FAXC: variants seen among roughly 807,000 people sequenced by gnomAD.
FAXC encodes the protein failed axon connections homolog, metaxin like GST domain containing, also known as failed axon connections homolog.
Under a neutral mutation model 41.9 loss-of-function variants are expected in FAXC, and 10 were observed. The ratio of observed to expected loss-of-function variants is 0.24; its 90% CI spans 0.15 to 0.41. The LOEUF is 0.41. FAXC is among the 10% of genes least tolerant of loss of function. The pLI is 1.00. For missense variants in FAXC, 399 were observed against 510.9 expected (o/e 0.78, Z 2.11); for synonymous variants, 183 against 183.8 (o/e 1.00, Z 0.03).
rs1196480708 is a variant in FAXC, at chr6:99,273,389, A to C, written c.*7775T>G. On this transcript the variant is annotated 3_prime_UTR_variant, in exon 6 of 6. Coordinates refer to ENST00000389677, the MANE Select transcript of FAXC (RefSeq NM_032511.4). ...ATGATGAATTATCAGGCATTATCAA[A>C]ACATGTTTTTCAGATTGATGCTGAA... 2.0e-5 allele frequency: 3 copies of C among 151,904 alleles called. No homozygotes were observed. The East Asian group carries it at 5.8e-4, about 29-fold the overall frequency. 9.4% of individuals were successfully genotyped at this position (151,904 alleles called of 1,614,324 possible). A position where few individuals can be genotyped will look rare whatever the true frequency, so the allele number is the denominator to read the frequency against.
intron 4 of FAXC, among the ~76,000 whole-genome samples, chr6:99,299,060 TG>T (rs2128452496): frequency 6.6e-6 from 1 of 152,238 alleles, no homozygotes; most frequent in South Asian, 2.1e-4. Context: ...TTCTTTCCTC[TG>T]GAATTCACAA....
At chr6:99,314,635 C>T (rs1020117024) in intron 4 of FAXC, among the ~76,000 whole-genome samples, 1 of 152,186 alleles carries the variant, frequency 6.6e-6, no homozygotes, top group Non-Finnish European at 1.5e-5. Context: ...CATGTCCCAA[C>T]TTTCAACCTC....
At chr6:99,342,821 A>G in intron 2 of FAXC, 77 bp downstream of exon 2, 2 of 1,427,668 alleles carry the variant, frequency 1.4e-6, no homozygotes, top group Non-Finnish European at 1.9e-6. Context: ...TGTGAGACGA[A>G]ATATTCCCCC....
At chr6:99,318,561 G>T (rs552028830) in intron 4 of FAXC, among the ~76,000 whole-genome samples, 1 of 152,128 alleles carries the variant, frequency 6.6e-6, no homozygotes, top group African/African-American at 2.4e-5. Flanking sequence ...TCAGAAAAAT[G>T]ATTTTTGTTA....
At chr6:99,330,294 T>A (rs1582676222) in intron 3 of FAXC, among the ~76,000 whole-genome samples, 2 of 152,308 alleles carry the variant, frequency 1.3e-5, no homozygotes, top group East Asian at 3.9e-4. Context: ...CTGAAGAAGC[T>A]GCAGTGTGTG....
intron 4 of FAXC, among the ~76,000 whole-genome samples, chr6:99,299,525 A>G (rs974694886): frequency 4.6e-5 from 7 of 152,250 alleles, no homozygotes; most frequent in African/African-American, 1.4e-4. Flanking sequence ...AGTAAAATCA[A>G]TGTGGACATT....
In FAXC at chr6:99,349,268, G is replaced by C; in HGVS notation, c.105C>G (p.Pro35=). 6.2e-7 allele frequency: 1 copy of C among 1,613,676 alleles called. No homozygotes were observed. Among genetic ancestry groups the C allele is most frequent in the Non-Finnish European group, 8.5e-7 (1 of 1,180,012 alleles). ...FFGWWAGSEE[P]FSFYGDIIAF... ...CGATGATGTCCCCATAAAAGGAGAA[G>C]GGCTCCTCGGACCCGGCCCACCAGC... The change falls in exon 1 of 6, where the codon CCC becomes CCG. Residue 35 remains proline, a synonymous_variant. Coordinates refer to ENST00000389677, the MANE Select transcript of FAXC (RefSeq NM_032511.4).
intron 3 of FAXC, among the ~76,000 whole-genome samples, chr6:99,325,874 G>A (rs1772782753): frequency 6.6e-6 from 1 of 152,210 alleles, no homozygotes; most frequent in African/African-American, 2.4e-5. Context: ...GTGGCTCTAA[G>A]CTGACGGGTT....
chr6:99,340,547 CAAAT>C (rs1773387079), intron 2 of FAXC, among the ~76,000 whole-genome samples: 1 of 151,088 alleles, frequency 6.6e-6, no homozygotes, highest in South Asian at 2.1e-4. Flanking sequence ...GGGAAGTTCT[CAAAT>C]AAAAAGATAA....
chr6:99,285,808 T>C (rs532008143), intron 5 of FAXC, among the ~76,000 whole-genome samples: 2 of 152,308 alleles, frequency 1.3e-5, no homozygotes, highest in Non-Finnish European at 2.9e-5. Flanking sequence ...GTTTCTCAAA[T>C]GGAAATGCCC....
Position 99,349,490 on chromosome 6 carries a change from G to A in FAXC, c.-118C>T. The A allele has an allele frequency of 1.4e-6, 1 of 739,582 alleles. No individual in the cohort carries two copies. Among genetic ancestry groups the A allele is most frequent in the Non-Finnish European group, 1.6e-6 (1 of 606,646 alleles). The allele number at this position is 739,582 out of a possible 1,614,324, so 45.8% of individuals were successfully genotyped here. On this transcript the variant is annotated 5_prime_UTR_variant, in exon 1 of 6. Transcript: ENST00000389677. ...GGAGGGCGCGGGCGGCGCGGGCGGC[G>A]GCGACTGAGGAGGCGGCGGCGACTG...
intron 4 of FAXC, among the ~76,000 whole-genome samples, chr6:99,305,725 T>TA (rs57236073): frequency 1.3e-5 from 2 of 148,760 alleles, no homozygotes; most frequent in African/African-American, 4.9e-5. Flanking sequence ...CATATATATA[T>TA]TATATATAGT....
At chr6:99,284,529 T>C (rs530574360) in intron 5 of FAXC, among the ~76,000 whole-genome samples, 1 of 150,744 alleles carries the variant, frequency 6.6e-6, no homozygotes, top group East Asian at 2.0e-4. Context: ...ACAGAAAAAG[T>C]TGGCAGCAGA....
At chr6:99,285,825 C>T (rs1238577940) in intron 5 of FAXC, among the ~76,000 whole-genome samples, 2 of 152,208 alleles carry the variant, frequency 1.3e-5, no homozygotes, top group Non-Finnish European at 2.9e-5. Flanking sequence ...GCCCTCCCTG[C>T]TCTTCAAATA....
At chr6:99,319,280 T>C (rs1397535897) in intron 4 of FAXC, among the ~76,000 whole-genome samples, 1 of 151,424 alleles carries the variant, frequency 6.6e-6, no homozygotes, top group Admixed American at 6.6e-5. Flanking sequence ...GCGCCTGTAG[T>C]CCCAGCTACT....
At chr6:99,332,249 G>T (rs1002301699) in intron 3 of FAXC, among the ~76,000 whole-genome samples, 8 of 152,156 alleles carry the variant, frequency 5.3e-5, no homozygotes, top group Non-Finnish European at 1.2e-4. Flanking sequence ...TGAAATAGGG[G>T]AGGAGGAGAA....
At chr6:99,286,054 TG>T (rs991160803) in intron 5 of FAXC, among the ~76,000 whole-genome samples, 2 of 152,098 alleles carry the variant, frequency 1.3e-5, no homozygotes, top group Non-Finnish European at 2.9e-5. Context: ...AGCAATAACT[TG>T]GAAAACATAG....
intron 2 of FAXC, chr6:99,334,499 T>C (rs1298452043): frequency 9.5e-5 from 38 of 399,396 alleles, no homozygotes; most frequent in Non-Finnish European, 1.3e-4. Flanking sequence ...TATGGATCTC[T>C]AGACATTATC....
At chr6:99,292,319 G>A (rs1029693393) in intron 4 of FAXC, among the ~76,000 whole-genome samples, 1 of 152,202 alleles carries the variant, frequency 6.6e-6, no homozygotes, top group Non-Finnish European at 1.5e-5. Flanking sequence ...ACGCTACATG[G>A]TCCTGGCAAA....
Sources: allele counts gnomAD v4.1 joint callset (sites outside exome capture counted in the v4.1 genomes callset), GRCh38; gene constraint gnomAD v4.1.1; transcripts MANE v1.5; gene names NCBI Gene and HGNC (gene_info 2026-07-23, HGNC 2026-07-21).